Variants in OPTN observed in about 807,000 individuals in gnomAD.
OPTN encodes E3-14.7K-interacting protein.
In OPTN, 54 loss-of-function variants were observed where a neutral mutation model predicts 70.4. The observed-to-expected ratio is 0.77, with a 90% CI of 0.62 to 0.96. OPTN has a LOEUF of 0.96. OPTN is among the 40% of genes least tolerant of loss of function. OPTN has a pLI of 0.00. For synonymous variants in OPTN, 256 were observed against 248.5 expected (o/e 1.03, Z -0.28); for missense variants, 624 against 673.2 (o/e 0.93, Z 0.81).
At chr10:13,107,093 G>A (rs559689300) in intron 1 of OPTN, among the ~76,000 whole-genome samples, 1 of 152,072 alleles carries the variant, frequency 6.6e-6, no homozygotes, top group Non-Finnish European at 1.5e-5. Context: ...ATTTTCTAAG[G>A]TCCAGGAGCA....
In OPTN at chr10:13,111,674, C is replaced by T. The variant is rs534672247; in HGVS notation, c.370-779C>T. Among the ~76,000 whole-genome samples, 13 of 151,102 alleles carry T rather than the reference C, an allele frequency of 8.6e-5. No individual in the cohort carries two copies. In the South Asian group the frequency reaches 1.7e-3, roughly 20 times the overall value. Reference sequence around the variant, plus strand: ...GATCGCGCCATTGCACTCCAATGGGCGACAGAGTGAGACTCTGTCTGGGAA... The same window carrying T: ...GATCGCGCCATTGCACTCCAATGGGTGACAGAGTGAGACTCTGTCTGGGAA... On this transcript the variant is annotated intron_variant, in intron 4 of 14. Transcript: ENST00000378747.
chr10:13,108,520 C>A (rs1054450581), intron 2 of OPTN, among the ~76,000 whole-genome samples: 1 of 151,302 alleles, frequency 6.6e-6, no homozygotes, highest in African/African-American at 2.4e-5. Context: ...CTCCCTCCCC[C>A]ATTTCCCAAA....
intron 5 of OPTN, among the ~76,000 whole-genome samples, chr10:13,114,492 G>C (rs959496565): frequency 1.3e-5 from 2 of 151,670 alleles, no homozygotes; most frequent in African/African-American, 2.4e-5. Context: ...AGGGTGCATG[G>C]TTAGCATCTC....
chr10:13,133,676 C>A, intron 14 of OPTN, 95 bp downstream of exon 14: 2 of 1,099,166 alleles, frequency 1.8e-6, no homozygotes, highest in Non-Finnish European at 2.7e-6. Context: ...CAATGGATTC[C>A]AAATCAAGGC....
chr10:13,118,514 C>T (rs1263580531), intron 6 of OPTN, among the ~76,000 whole-genome samples: 1 of 152,218 alleles, frequency 6.6e-6, no homozygotes, highest in Non-Finnish European at 1.5e-5. Context: ...TATCTTTTGT[C>T]TGACTGCAGT....
Position 13,107,970 on chromosome 10 carries a change from G to C in OPTN, c.-163-168G>C, listed in dbSNP as rs948262816. On this transcript the variant is annotated intron_variant, in intron 1 of 14. Coordinates refer to ENST00000378747, the MANE Select transcript of OPTN (RefSeq NM_001008212.2). ...AAGCAGAGTGGGGATTTACTCATTG[G>C]TCTTGCATTTCTATGTCCACATGGA... 3.9e-5 allele frequency among the ~76,000 whole-genome samples: 6 copies of C among 152,158 alleles called. 1 individual carries two copies. Among genetic ancestry groups the C allele is most frequent in the Admixed American group, 3.9e-4 (6 of 15,268 alleles).
intron 1 of OPTN, among the ~76,000 whole-genome samples, chr10:13,107,444 T>C (rs1303673552): frequency 7.0e-6 from 1 of 142,324 alleles, no homozygotes. Flanking sequence ...AGTGGCACGA[T>C]CTCGGCTCAC....
intron 6 of OPTN, chr10:13,116,569 T>C: frequency 1.7e-6 from 1 of 576,106 alleles, no homozygotes; most frequent in South Asian, 1.9e-5. Flanking sequence ...TGCTCTGTTC[T>C]AGTGGTGTCT....
intron 1 of OPTN, among the ~76,000 whole-genome samples, chr10:13,101,655 TAA>T (rs1216460636): frequency 6.6e-6 from 1 of 152,150 alleles, no homozygotes; most frequent in Admixed American, 6.5e-5. Context: ...AAGAAAAAAT[TAA>T]AAGTTTTTGT....
chr10:13,118,237 G>A (rs572402241), intron 6 of OPTN, among the ~76,000 whole-genome samples: 5 of 152,274 alleles, frequency 3.3e-5, no homozygotes, highest in African/African-American at 9.6e-5. Context: ...AACCTGAGTC[G>A]GTGACTGAAA....
intron 6 of OPTN, chr10:13,116,576 G>A: frequency 1.8e-6 from 1 of 565,500 alleles, no homozygotes. Flanking sequence ...TTCTAGTGGT[G>A]TCTCACCTCC....
intron 7 of OPTN, among the ~76,000 whole-genome samples, chr10:13,120,047 A>G (rs569195519): frequency 9.0e-4 from 133 of 147,046 alleles, no homozygotes; most frequent in Non-Finnish European, 1.6e-3. Context: ...CAGTGGCGCA[A>G]TCTCGGCTCA....
chr10:13,126,260 C>G (rs1833458017), intron 11 of OPTN, among the ~76,000 whole-genome samples: 1 of 150,902 alleles, frequency 6.6e-6, no homozygotes, highest in Admixed American at 6.6e-5. Flanking sequence ...GTCCTATGGT[C>G]AGGGATTAAG....
At chr10:13,121,237 T>C (rs1035019213) in intron 7 of OPTN, among the ~76,000 whole-genome samples, 1 of 152,156 alleles carries the variant, frequency 6.6e-6, no homozygotes, top group South Asian at 2.1e-4. Flanking sequence ...GAAATTGCAC[T>C]CGAGAGATAG....
intron 4 of OPTN, among the ~76,000 whole-genome samples, chr10:13,111,590 T>C (rs1043292822): frequency 2.6e-5 from 4 of 151,802 alleles, no homozygotes; most frequent in South Asian, 4.2e-4. Flanking sequence ...CCCAGCTACT[T>C]GGGAGGCTAA....
rs780686513 is a variant in OPTN at position 13,116,356 on chromosome 10, C to T, written c.626+16C>T. ...CCACTGGCACGTATGTGAAGGAAGACTCGGGCTGTCAGGCAGACAGGCTGG... is the reference window on the plus strand; with the variant it reads ...CCACTGGCACGTATGTGAAGGAAGATTCGGGCTGTCAGGCAGACAGGCTGG... On this transcript the variant is annotated intron_variant, in intron 6 of 14. Coordinates refer to ENST00000378747, the MANE Select transcript of OPTN (RefSeq NM_001008212.2). 2 of 1,602,934 alleles carry T rather than the reference C, an allele frequency of 1.2e-6. No individual in the cohort carries two copies. Among genetic ancestry groups the T allele is most frequent in the East Asian group, 2.2e-5 (1 of 44,814 alleles).
intron 5 of OPTN, 49 bp downstream of exon 5, chr10:13,112,684 C>A (rs749801960): frequency 3.8e-6 from 6 of 1,561,436 alleles, no homozygotes; most frequent in Non-Finnish European, 5.3e-6. Flanking sequence ...AAAGCCTCCC[C>A]TGGAAAGATG....
chr10:13,119,078 A>G, intron 7 of OPTN, 38 bp downstream of exon 7: 1 of 1,585,012 alleles, frequency 6.3e-7, no homozygotes, highest in Non-Finnish European at 8.6e-7. Context: ...TGTTTTTTTA[A>G]AACAGCTTTC....
At chr10:13,136,645 G>A (rs1212724377) in intron 14 of OPTN, 100 bp from the exon 15 acceptor site, 31 of 1,425,492 alleles carry the variant, frequency 2.2e-5, no homozygotes, top group Middle Eastern at 3.5e-4. Flanking sequence ...TGTTGAATAC[G>A]AAGTTGAACT....
Sources: allele counts gnomAD v4.1 joint callset (sites outside exome capture counted in the v4.1 genomes callset), GRCh38; gene constraint gnomAD v4.1.1; transcripts MANE v1.5; gene names NCBI Gene and HGNC (gene_info 2026-07-23, HGNC 2026-07-21).